KLHL7: variants seen among roughly 807,000 people sequenced by gnomAD.
The protein encoded by KLHL7 is kelch like family member 7, also known as kelch-like protein 7.
In KLHL7, 44 loss-of-function variants were observed where a neutral mutation model predicts 67.4. The ratio of observed to expected loss-of-function variants is 0.65; its 90% CI spans 0.51 to 0.84. KLHL7 has a LOEUF of 0.84. Among genes scored for constraint, KLHL7 ranks in the 40% least tolerant of loss-of-function variants. The pLI is 0.00. For synonymous variants in KLHL7, 252 were observed against 243.3 expected (o/e 1.04, Z -0.33); for missense variants, 362 against 718.1 (o/e 0.50, Z 5.67).
At position 23,175,409 on chromosome 7, in the gene KLHL7, T is replaced by G. The variant is rs754877907; in HGVS notation, c.*1111T>G. On this transcript the variant is annotated 3_prime_UTR_variant, in exon 11 of 11. Transcript: ENST00000339077. ...TTTTTATCTGATAATATTAAATATTTTTTAACTTAAAATAGGCCACTCAGT... is the reference window on the plus strand; with the variant it reads ...TTTTTATCTGATAATATTAAATATTGTTTAACTTAAAATAGGCCACTCAGT... 1.1e-5 allele frequency: 5 copies of G among 438,018 alleles called. No homozygotes were observed. The highest frequency in any genetic ancestry group is 8.5e-5 in the South Asian group (5 of 59,052). 27.1% of individuals were successfully genotyped at this position (438,018 alleles called of 1,614,324 possible).
In KLHL7 at chr7:23,169,229, G is replaced by A. The variant is rs563804438; in HGVS notation, c.1379+1192G>A. ...AGCCAAGATTGTGCCACAGCACTCCGGCCTGGGTGACAGAGCAAGACTCCA... is the reference window on the plus strand; with the variant it reads ...AGCCAAGATTGTGCCACAGCACTCCAGCCTGGGTGACAGAGCAAGACTCCA... On this transcript the variant is annotated intron_variant, in intron 9 of 10. Transcript: ENST00000339077. Among the ~76,000 whole-genome samples, 45 of 151,818 alleles carry A rather than the reference G, an allele frequency of 3.0e-4. No individual in the cohort carries two copies. The South Asian group carries it at 3.1e-3, about 11-fold the overall frequency.
rs1784789716 is a variant in KLHL7 at position 23,159,217 on chromosome 7, G to A, written c.937-6481G>A. 3.3e-5 allele frequency among the ~76,000 whole-genome samples: 5 copies of A among 152,174 alleles called. No individual in the cohort carries two copies. In the South Asian group the frequency reaches 1.0e-3, roughly 31 times the overall value. ...AAACAGGGTCTTCCTCTGTCAGACA[G>A]GGTGGAGTACAGTGGTAATCACTGC... is the stretch of plus-strand genomic sequence containing the variant. On this transcript the variant is annotated intron_variant, in intron 7 of 10. Coordinates refer to ENST00000339077, the MANE Select transcript of KLHL7 (RefSeq NM_001031710.3).
chr7:23,160,630 A>G (rs1027973028), intron 7 of KLHL7, among the ~76,000 whole-genome samples: 3 of 152,216 alleles, frequency 2.0e-5, no homozygotes, highest in African/African-American at 7.2e-5. Flanking sequence ...CTGCAATAGC[A>G]CAACCTCCCT....
intron 7 of KLHL7, among the ~76,000 whole-genome samples, chr7:23,155,390 C>T (rs1372742764): frequency 1.3e-5 from 2 of 152,112 alleles, no homozygotes; most frequent in African/African-American, 4.8e-5. Flanking sequence ...AGGCCAGGCA[C>T]GGTGGCTCAC....
chr7:23,129,405 C>A, intron 4 of KLHL7: 1 of 388,880 alleles, frequency 2.6e-6, no homozygotes, highest in Non-Finnish European at 5.2e-6. Context: ...TCGGCTGGCC[C>A]TTCATGAACT....
intron 3 of KLHL7, 112 bp downstream of exon 3, chr7:23,124,893 G>A (rs1446508680): frequency 9.0e-7 from 1 of 1,112,992 alleles, no homozygotes; most frequent in African/African-American, 1.6e-5. Flanking sequence ...AAAACCGCAA[G>A]GATGGAAGAG....
rs569612031 is a variant in KLHL7, at chr7:23,137,517, C to T, written c.443-3252C>T. Among the ~76,000 whole-genome samples the T allele has an allele frequency of 4.0e-5, 6 of 149,944 alleles. No individual in the cohort carries two copies. In the South Asian group the frequency reaches 6.4e-4, roughly 16 times the overall value. ...TTTTTTTGACAGAGTCTCATTCTGTCGCCCAGGGTGGAGTGCAGTGGTGTG... is the reference window on the plus strand; with the variant it reads ...TTTTTTTGACAGAGTCTCATTCTGTTGCCCAGGGTGGAGTGCAGTGGTGTG... On this transcript the variant is annotated intron_variant, in intron 4 of 10. Transcript: ENST00000339077.
At chr7:23,164,511 G>T (rs1784943082) in intron 7 of KLHL7, among the ~76,000 whole-genome samples, 1 of 152,144 alleles carries the variant, frequency 6.6e-6, no homozygotes, top group Non-Finnish European at 1.5e-5. Context: ...TTTTTCAAGT[G>T]TTTATTGAGT....
chr7:23,110,647 G>C (rs2128456268), intron 1 of KLHL7, among the ~76,000 whole-genome samples: 1 of 150,672 alleles, frequency 6.6e-6, no homozygotes, highest in Admixed American at 6.6e-5. Flanking sequence ...TAAGTTTTAG[G>C]GTACATGTGC....
intron 4 of KLHL7, among the ~76,000 whole-genome samples, chr7:23,127,590 C>T (rs554254880): frequency 6.6e-6 from 1 of 152,094 alleles, no homozygotes; most frequent in Non-Finnish European, 1.5e-5. Flanking sequence ...GTCCATCAAT[C>T]GAGCTTCCAC....
intron 6 of KLHL7, among the ~76,000 whole-genome samples, chr7:23,146,477 A>T (rs567288377): frequency 6.6e-6 from 1 of 152,298 alleles, no homozygotes; most frequent in African/African-American, 2.4e-5. Flanking sequence ...AGAGAAGAGG[A>T]GAAAAAGGAT....
At chr7:23,147,382 C>T (rs115034085) in intron 6 of KLHL7, among the ~76,000 whole-genome samples, 1,774 of 152,172 alleles carry the variant, frequency 0.012, 34 homozygotes, top group African/African-American at 0.04. Flanking sequence ...GAGCCACCAA[C>T]GCTGGCCTAC....
At chr7:23,143,612 C>T (rs1467281654) in intron 5 of KLHL7, among the ~76,000 whole-genome samples, 1 of 151,796 alleles carries the variant, frequency 6.6e-6, no homozygotes, top group African/African-American at 2.4e-5. Context: ...AATTCAACAT[C>T]CTCCCTGTCA....
At chr7:23,170,634 C>A (rs1785130125) in intron 9 of KLHL7, among the ~76,000 whole-genome samples, 1 of 152,134 alleles carries the variant, frequency 6.6e-6, no homozygotes, top group African/African-American at 2.4e-5. Context: ...GGGTTCCTTC[C>A]CTAGCCCAAA....
Position 23,141,333 on chromosome 7 carries a change from A to C in KLHL7, c.618+389A>C, listed in dbSNP as rs937571695. On this transcript the variant is annotated intron_variant, in intron 5 of 10. Coordinates refer to ENST00000339077, the MANE Select transcript of KLHL7 (RefSeq NM_001031710.3). ...CTTAAATTTGGAAGAGGGAAGCAAA[A>C]GAAGGCAGCGTCAAGTGGTGCAATG... Among the ~76,000 whole-genome samples the C allele has an allele frequency of 1.3e-5, 2 of 152,346 alleles. 1 individual carries two copies. Among genetic ancestry groups the C allele is most frequent in the South Asian group, 4.1e-4 (2 of 4,828 alleles).
chr7:23,123,833 T>C lies in KLHL7; in HGVS notation c.177T>C (p.Arg59=), dbSNP rs1309696934. The C allele has an allele frequency of 8.7e-6, 14 of 1,613,678 alleles. No individual in the cohort carries two copies. Reference sequence around the variant, plus strand: ...AGGAAAGAAAGATACCTGCTCATCGTGTTGTTCTTGCTGCAGCCAGTCATT... The same window carrying C: ...AGGAAAGAAAGATACCTGCTCATCGCGTTGTTCTTGCTGCAGCCAGTCATT... ...MVQERKIPAH[R]VVLAAASHFF... The change falls in exon 2 of 11, where the codon CGT becomes CGC. Residue 59 remains arginine (R), a synonymous_variant. Coordinates refer to ENST00000339077, the MANE Select transcript of KLHL7 (RefSeq NM_001031710.3).
chr7:23,155,941 T>C (rs200703993), intron 7 of KLHL7: 1 of 2,614 alleles, frequency 3.8e-4, no homozygotes, highest in South Asian at 1.9e-3. Context: ...TAGCACTTTA[T>C]TTTTAGTCTG....
At chr7:23,167,197 A>G (rs1046422041) in intron 8 of KLHL7, among the ~76,000 whole-genome samples, 4 of 152,148 alleles carry the variant, frequency 2.6e-5, no homozygotes, top group African/African-American at 7.2e-5. Flanking sequence ...TTGAACTCCT[A>G]CAGTGTGTAG....
At chr7:23,168,146 AG>A in intron 9 of KLHL7, 109 bp downstream of exon 9, 1 of 1,017,906 alleles carries the variant, frequency 9.8e-7, no homozygotes. Flanking sequence ...CCTTGAGTGA[AG>A]AGTGTATATA....
Sources: allele counts gnomAD v4.1 joint callset (sites outside exome capture counted in the v4.1 genomes callset), GRCh38; gene constraint gnomAD v4.1.1; transcripts MANE v1.5; gene names NCBI Gene and HGNC (gene_info 2026-07-23, HGNC 2026-07-21).